USH2A: variants seen among roughly 807,000 people sequenced by gnomAD.
USH2A encodes the protein usherin, also known as Usher syndrome 2A (autosomal recessive, mild).
Under a neutral mutation model 538.9 loss-of-function variants are expected in USH2A, and 443 were observed. That is an observed-to-expected ratio of 0.82 (90% CI 0.76 to 0.89). The LOEUF (loss-of-function observed/expected upper bound fraction) is 0.89, where lower values mean the gene tolerates loss of function less well. Ranked by LOEUF, USH2A falls within the 40% of genes least tolerant of loss-of-function variation. The probability of loss-of-function intolerance (pLI) is 0.00; values close to 1 mark genes in which losing one functional copy is unlikely to be tolerated. For synonymous variants in USH2A, 2,413 were observed against 2,273.5 expected, an observed-to-expected ratio of 1.06 and a Z score of -1.75; for missense variants, 6,633 against 6,324.8, an observed-to-expected ratio of 1.05 and a Z score of -1.65.
chr1:216,245,470 T>TTAGAGAGA (rs2036018750), intron 13 of USH2A, among the ~76,000 whole-genome samples: 1 of 114,176 alleles, frequency 8.8e-6, no homozygotes, highest in South Asian at 3.3e-4. Context: ...AGTCCCCTTC[T>TTAGAGAGA]GAGAGAGAGA....
intron 3 of USH2A, among the ~76,000 whole-genome samples, chr1:216,414,422 C>T (rs1056985570): frequency 1.3e-4 from 19 of 151,940 alleles, no homozygotes; most frequent in African/African-American, 4.3e-4. Flanking sequence ...AGCATATTGT[C>T]TATTTGTTTG....
At chr1:215,729,791 T>C (rs1659939211) in intron 60 of USH2A, among the ~76,000 whole-genome samples, 2 of 152,244 alleles carry the variant, frequency 1.3e-5, no homozygotes, top group South Asian at 2.1e-4. Flanking sequence ...CTACTAGGCC[T>C]GGCTAACTTT....
intron 32 of USH2A, among the ~76,000 whole-genome samples, chr1:216,037,643 A>G (rs537377213): frequency 1.2e-4 from 18 of 152,184 alleles, no homozygotes; most frequent in African/African-American, 4.3e-4. Context: ...TCTGGGTGCA[A>G]CAGTTTTGGC....
At chr1:216,050,199 G>A (rs1331274473) in intron 30 of USH2A, among the ~76,000 whole-genome samples, 1 of 152,176 alleles carries the variant, frequency 6.6e-6, no homozygotes, top group Non-Finnish European at 1.5e-5. Flanking sequence ...ATGGAGTAGT[G>A]GGGAAATGGG....
chr1:215,987,516 G>C (rs1232572078), intron 35 of USH2A, among the ~76,000 whole-genome samples: 1 of 152,208 alleles, frequency 6.6e-6, no homozygotes. Flanking sequence ...TAGAGAAACA[G>C]AGCTGGAGTG....
At chr1:215,773,199 G>A (rs1661342821) in intron 55 of USH2A, among the ~76,000 whole-genome samples, 1 of 152,082 alleles carries the variant, frequency 6.6e-6, no homozygotes, top group Non-Finnish European at 1.5e-5. Context: ...GGTGAATGTG[G>A]GCAGGAACTA....
At chr1:216,041,486 C>T (rs1255472584) in intron 32 of USH2A, among the ~76,000 whole-genome samples, 1 of 151,956 alleles carries the variant, frequency 6.6e-6, no homozygotes, top group Non-Finnish European at 1.5e-5. Flanking sequence ...CACTGGCAAA[C>T]CCTACGGGAA....
Position 216,422,560 on chromosome 1 carries a change from G to A in USH2A, c.-204-20C>T. The A allele has an allele frequency of 1.8e-6, 1 of 563,048 alleles. No individual in the cohort carries two copies. The highest frequency in any genetic ancestry group is 3.1e-6 in the Non-Finnish European group (1 of 326,498). 34.9% of individuals were successfully genotyped at this position (563,048 alleles called of 1,614,324 possible). On this transcript the variant is annotated intron_variant, in intron 1 of 71. Coordinates refer to ENST00000307340, the MANE Select transcript of USH2A (RefSeq NM_206933.4). The stretch of plus-strand genomic sequence containing the variant: ...TGGTATCTGGGAATCAAAAACGTAG[G>A]GCGTCAAGGGAAAGCTGCTGCACCT...
At chr1:216,406,341 A>G (rs971657631) in intron 3 of USH2A, among the ~76,000 whole-genome samples, 1 of 152,194 alleles carries the variant, frequency 6.6e-6, no homozygotes, top group African/African-American at 2.4e-5. Context: ...TGAACCTACA[A>G]TTATCTCAGG....
intron 44 of USH2A, among the ~76,000 whole-genome samples, chr1:215,866,248 C>T (rs973709424): frequency 1.3e-5 from 2 of 152,056 alleles, no homozygotes; most frequent in Non-Finnish European, 2.9e-5. Context: ...CAGGGATTGA[C>T]ACAAATTAAC....
chr1:216,025,385 T>G (rs1208643838), intron 32 of USH2A, among the ~76,000 whole-genome samples: 2 of 151,950 alleles, frequency 1.3e-5, no homozygotes, highest in Non-Finnish European at 2.9e-5. Context: ...TGGTAGTAAT[T>G]TTACAATATT....
intron 61 of USH2A, among the ~76,000 whole-genome samples, chr1:215,684,469 C>T (rs1658343227): frequency 6.6e-6 from 1 of 152,192 alleles, no homozygotes; most frequent in Non-Finnish European, 1.5e-5. Context: ...ATAAAGCTTC[C>T]CAACTTAGTC....
At chr1:215,862,743 A>G (rs1205019521) in intron 44 of USH2A, among the ~76,000 whole-genome samples, 1 of 152,176 alleles carries the variant, frequency 6.6e-6, no homozygotes. Flanking sequence ...TGTTAAACAT[A>G]TATTATTTCA....
chr1:215,757,753 C>A (rs1660853581), intron 58 of USH2A, among the ~76,000 whole-genome samples: 1 of 152,118 alleles, frequency 6.6e-6, no homozygotes, highest in African/African-American at 2.4e-5. Flanking sequence ...AGTCACAAGG[C>A]AACCCAATAA....
chr1:215,928,332 G>T lies in USH2A; in HGVS notation c.7300+6284C>A, dbSNP rs58003340. ...AACATCAAAATTAATTGTCATGTAA[G>T]GAAAGATTTTTTTTTATATCTTCTT... On this transcript the variant is annotated intron_variant, in intron 38 of 71. Coordinates refer to ENST00000307340, the MANE Select transcript of USH2A (RefSeq NM_206933.4). Among the ~76,000 whole-genome samples the T allele has an allele frequency of 5.0e-3, 767 of 151,966 alleles. 9 individuals carry two copies. The highest frequency in any genetic ancestry group is 0.018 in the African/African-American group (728 of 41,464).
Position 215,640,545 on chromosome 1 carries a change from G to A in USH2A, c.14968+13C>T, listed in dbSNP as rs779453313. On this transcript the variant is annotated intron_variant, in intron 68 of 71. Coordinates refer to ENST00000307340, the MANE Select transcript of USH2A (RefSeq NM_206933.4). ...GCGCCTTCCACACTGAGAAACAGGA[G>A]TCAGAAACTAACTTTTGTCCGCCGT... is the stretch of plus-strand genomic sequence containing the variant. 1 of 1,613,450 alleles carries A rather than the reference G, an allele frequency of 6.2e-7. No homozygotes were observed. Among genetic ancestry groups the A allele is most frequent in the Non-Finnish European group, 8.5e-7 (1 of 1,180,000 alleles).
intron 21 of USH2A, among the ~76,000 whole-genome samples, chr1:216,123,708 G>A (rs1010433395): frequency 6.6e-6 from 1 of 152,026 alleles, no homozygotes; most frequent in African/African-American, 2.4e-5. Flanking sequence ...GACTTACACA[G>A]CCCAATGCAA....
chr1:215,967,186 T>A (rs757587390), intron 36 of USH2A, among the ~76,000 whole-genome samples: 1 of 152,176 alleles, frequency 6.6e-6, no homozygotes, highest in Non-Finnish European at 1.5e-5. Flanking sequence ...TTGTTTGTTT[T>A]TAAATGGAGT....
intron 39 of USH2A, 83 bp from the exon 40 acceptor site, chr1:215,900,300 T>G (rs1388830711): frequency 1.4e-6 from 2 of 1,439,844 alleles, no homozygotes; most frequent in East Asian, 4.7e-5. Flanking sequence ...ACAAAAAAAT[T>G]TTAGAGGATG....
Sources: allele counts gnomAD v4.1 joint callset (sites outside exome capture counted in the v4.1 genomes callset), GRCh38; gene constraint gnomAD v4.1.1; transcripts MANE v1.5; gene names NCBI Gene and HGNC (gene_info 2026-07-23, HGNC 2026-07-21).